KCNC2: variants seen among roughly 807,000 people sequenced by gnomAD.
KCNC2 encodes voltage-gated potassium channel KCNC2.
In KCNC2, 21 loss-of-function variants were observed where a neutral mutation model predicts 44.5. That is an observed-to-expected ratio of 0.47 (90% CI 0.33 to 0.68). The LOEUF (loss-of-function observed/expected upper bound fraction) is 0.68, where lower values mean the gene tolerates loss of function less well. Ranked by LOEUF, KCNC2 falls within the 30% of genes least tolerant of loss-of-function variation. The probability of loss-of-function intolerance (pLI) is 0.01; values close to 1 mark genes in which losing one functional copy is unlikely to be tolerated. For synonymous variants in KCNC2, 391 were observed against 339.1 expected, an observed-to-expected ratio of 1.15 and a Z score of -1.68; for missense variants, 589 against 826.2, an observed-to-expected ratio of 0.71 and a Z score of 3.52.
intron 2 of KCNC2, among the ~76,000 whole-genome samples, chr12:75,077,340 T>C (rs1398197396): frequency 1.3e-5 from 2 of 152,172 alleles, no homozygotes; most frequent in African/African-American, 4.8e-5. Flanking sequence ...TAAAATTTAA[T>C]AAACTCCTAT....
At chr12:75,043,619 A>C (rs1366673546) in intron 4 of KCNC2, 21 of 1,238,368 alleles carry the variant, frequency 1.7e-5, no homozygotes, top group Non-Finnish European at 2.1e-5. Flanking sequence ...TGAAAAAAAG[A>C]GAAATAAGTA....
chr12:75,134,720 A>C (rs1889106966), intron 2 of KCNC2, among the ~76,000 whole-genome samples: 1 of 151,992 alleles, frequency 6.6e-6, no homozygotes, highest in Admixed American at 6.6e-5. Context: ...ATCTATTCAT[A>C]GATAATGAAC....
chr12:75,071,812 C>T (rs1188378213), intron 2 of KCNC2, among the ~76,000 whole-genome samples: 1 of 151,838 alleles, frequency 6.6e-6, no homozygotes, highest in African/African-American at 2.4e-5. Context: ...TGGCACGCAC[C>T]TGTAATCCCA....
intron 2 of KCNC2, among the ~76,000 whole-genome samples, chr12:75,151,305 A>C (rs1448217318): frequency 1.3e-5 from 2 of 152,012 alleles, no homozygotes; most frequent in African/African-American, 4.8e-5. Flanking sequence ...TAACCACAGA[A>C]TAGTCTTCAC....
At chr12:75,106,023 A>G (rs757657960) in intron 2 of KCNC2, among the ~76,000 whole-genome samples, 1 of 152,050 alleles carries the variant, frequency 6.6e-6, no homozygotes, top group Non-Finnish European at 1.5e-5. Flanking sequence ...TCATTAGGAT[A>G]CTGTGGAAGA....
intron 4 of KCNC2, among the ~76,000 whole-genome samples, chr12:75,044,110 A>C (rs992992263): frequency 6.6e-6 from 1 of 151,976 alleles, no homozygotes; most frequent in African/African-American, 2.4e-5. Flanking sequence ...CACCTTTGGA[A>C]ATATTTGCAT....
intron 2 of KCNC2, among the ~76,000 whole-genome samples, chr12:75,133,068 T>C (rs1273868550): frequency 6.6e-6 from 1 of 152,000 alleles, no homozygotes; most frequent in Non-Finnish European, 1.5e-5. Flanking sequence ...GATGATAGAC[T>C]TTATCAACTC....
chr12:75,136,286 A>G (rs1355717490), intron 2 of KCNC2, among the ~76,000 whole-genome samples: 1 of 152,066 alleles, frequency 6.6e-6, no homozygotes, highest in African/African-American at 2.4e-5. Flanking sequence ...GAACTAGAAA[A>G]ACGAGAACAA....
intron 2 of KCNC2, among the ~76,000 whole-genome samples, chr12:75,082,300 G>T (rs1237963408): frequency 6.6e-6 from 1 of 151,686 alleles, no homozygotes; most frequent in African/African-American, 2.4e-5. Context: ...AACAATAAAG[G>T]TAATAATAAT....
intron 2 of KCNC2, among the ~76,000 whole-genome samples, chr12:75,162,241 A>T (rs1016932096): frequency 2.0e-5 from 3 of 151,742 alleles, no homozygotes; most frequent in African/African-American, 7.3e-5. Flanking sequence ...TCTTCCTAAA[A>T]TTTATTGAAA....
chr12:75,128,103 A>G (rs1005600104), intron 2 of KCNC2, among the ~76,000 whole-genome samples: 1 of 152,182 alleles, frequency 6.6e-6, no homozygotes, highest in African/African-American at 2.4e-5. Flanking sequence ...TCTATGGCCC[A>G]CAATGGAAAT....
At chr12:75,157,570 A>G (rs771302009) in intron 2 of KCNC2, among the ~76,000 whole-genome samples, 10 of 151,948 alleles carry the variant, frequency 6.6e-5, no homozygotes, top group Non-Finnish European at 1.2e-4. Context: ...TCAAGACCAC[A>G]GTTTAGCAAT....
chr12:75,088,589 C>G (rs12318288), intron 2 of KCNC2, among the ~76,000 whole-genome samples: 1,960 of 152,102 alleles, frequency 0.013, 45 homozygotes, highest in African/African-American at 0.045. Context: ...TAGTTATGCT[C>G]TCTTTAATTT....
chr12:75,079,336 C>T (rs1050117729), intron 2 of KCNC2, among the ~76,000 whole-genome samples: 1 of 152,058 alleles, frequency 6.6e-6, no homozygotes, highest in African/African-American at 2.4e-5. Context: ...ATGAAGTTTC[C>T]TCCACCACTG....
intron 2 of KCNC2, among the ~76,000 whole-genome samples, chr12:75,129,133 A>C (rs1249436982): frequency 1.3e-5 from 2 of 152,144 alleles, no homozygotes; most frequent in African/African-American, 4.8e-5. Flanking sequence ...AACTCCTCTC[A>C]AGCTACTGTC....
At chr12:75,184,845 C>T (rs994612591) in intron 2 of KCNC2, among the ~76,000 whole-genome samples, 1 of 152,106 alleles carries the variant, frequency 6.6e-6, no homozygotes, top group Non-Finnish European at 1.5e-5. Context: ...TGTGAATCCA[C>T]AGAGATAGAA....
At chr12:75,206,903 G>T (rs1476390615) in intron 2 of KCNC2, among the ~76,000 whole-genome samples, 1 of 152,194 alleles carries the variant, frequency 6.6e-6, no homozygotes, top group Non-Finnish European at 1.5e-5. Flanking sequence ...GTCAAATAGG[G>T]ATGACCAGGA....
chr12:75,088,828 T>A (rs1885239285), intron 2 of KCNC2, among the ~76,000 whole-genome samples: 1 of 151,944 alleles, frequency 6.6e-6, no homozygotes. Context: ...TTATATATAA[T>A]CTAATATATA....
At chr12:75,176,170 G>A (rs540565372) in intron 2 of KCNC2, among the ~76,000 whole-genome samples, 1 of 152,146 alleles carries the variant, frequency 6.6e-6, no homozygotes, top group Non-Finnish European at 1.5e-5. Flanking sequence ...GGAATGGCAG[G>A]TACCTGTACA....
Sources: allele counts gnomAD v4.1 joint callset (sites outside exome capture counted in the v4.1 genomes callset), GRCh38; gene constraint gnomAD v4.1.1; transcripts MANE v1.5; gene names NCBI Gene and HGNC (gene_info 2026-07-23, HGNC 2026-07-21).